Variants in TYW1B observed in about 807,000 individuals in gnomAD.
TYW1B encodes the protein S-adenosyl-L-methionine-dependent tRNA 4-demethylwyosine synthase TYW1B.
TYW1B carries 73 observed loss-of-function variants against 86.9 expected under a neutral mutation model. The observed-to-expected ratio is 0.84, with a 90% CI of 0.70 to 1.02. TYW1B has a LOEUF of 1.02. Among genes scored for constraint, TYW1B ranks in the 50% least tolerant of loss-of-function variants. TYW1B has a pLI of 0.00. For missense variants in TYW1B, 637 were observed against 827.4 expected, an observed-to-expected ratio of 0.77 and a Z score of 2.82; for synonymous variants, 248 against 292.8, an observed-to-expected ratio of 0.85 and a Z score of 1.56.
intron 2 of TYW1B, among the ~76,000 whole-genome samples, chr7:72,824,676 G>A (rs1230629136): frequency 6.6e-6 from 1 of 151,462 alleles, no homozygotes; most frequent in Non-Finnish European, 1.5e-5. Flanking sequence ...AGGAGGCGGA[G>A]GTTGTGGTGA....
At chr7:72,750,321 ATT>A (rs1360267350) in intron 7 of TYW1B, among the ~76,000 whole-genome samples, 3 of 152,006 alleles carry the variant, frequency 2.0e-5, no homozygotes, top group Non-Finnish European at 4.4e-5. Flanking sequence ...CTTAAACAAT[ATT>A]TTGCTGCATA....
chr7:72,587,112 T>G (rs1365491237), intron 13 of TYW1B, among the ~76,000 whole-genome samples: 3 of 152,124 alleles, frequency 2.0e-5, no homozygotes, highest in Non-Finnish European at 4.4e-5. Flanking sequence ...GGGGGAGTAC[T>G]GATGAAAGAA....
intron 11 of TYW1B, among the ~76,000 whole-genome samples, chr7:72,652,408 T>TAAAA (rs1813087405): frequency 4.5e-5 from 6 of 133,472 alleles, no homozygotes; most frequent in African/African-American, 5.3e-5. Flanking sequence ...AAAAAAAAAT[T>TAAAA]TTTGTGACAT....
rs186318033 is a variant in TYW1B at position 72,620,053 on chromosome 7, T to C, written c.1618-3214A>G. Among the ~76,000 whole-genome samples the C allele has an allele frequency of 1.7e-4, 26 of 152,328 alleles. No homozygotes were observed. The East Asian group carries it at 4.8e-3, about 28-fold the overall frequency. On this transcript the variant is annotated intron_variant, in intron 12 of 13. Transcript: ENST00000620995. Reference sequence around the variant, plus strand: ...ACTCCACCCATTCCTTACAACTCTATGATGCTTTATGGTATTTTCACATAA... The same window carrying C: ...ACTCCACCCATTCCTTACAACTCTACGATGCTTTATGGTATTTTCACATAA...
intron 7 of TYW1B, among the ~76,000 whole-genome samples, chr7:72,758,591 A>G (rs1441289374): frequency 6.6e-6 from 1 of 151,952 alleles, no homozygotes; most frequent in East Asian, 1.9e-4. Flanking sequence ...TGAGCCCTTG[A>G]GCTCTCCACC....
At chr7:72,682,116 G>C (rs1813889284) in intron 11 of TYW1B, among the ~76,000 whole-genome samples, 1 of 151,826 alleles carries the variant, frequency 6.6e-6, no homozygotes. Flanking sequence ...GACCTCAGGT[G>C]ATCCACCCAC....
chr7:72,691,462 T>C (rs1260407068), intron 11 of TYW1B, among the ~76,000 whole-genome samples: 1 of 152,242 alleles, frequency 6.6e-6, no homozygotes, highest in Non-Finnish European at 1.5e-5. Context: ...TGCATTACTG[T>C]CATGAGCAAA....
intron 2 of TYW1B, among the ~76,000 whole-genome samples, chr7:72,817,757 A>C (rs1457240494): frequency 6.6e-6 from 1 of 152,090 alleles, no homozygotes; most frequent in Non-Finnish European, 1.5e-5. Context: ...CTCCAGTTGT[A>C]ATGTTCCTTG....
chr7:72,752,621 C>T (rs1787518892), intron 7 of TYW1B, among the ~76,000 whole-genome samples: 1 of 152,068 alleles, frequency 6.6e-6, no homozygotes, highest in Admixed American at 6.6e-5. Flanking sequence ...ATCCCAGCTA[C>T]TCGGGAGGCT....
At chr7:72,628,218 G>A (rs1554439218) in intron 12 of TYW1B, among the ~76,000 whole-genome samples, 2 of 152,204 alleles carry the variant, frequency 1.3e-5, no homozygotes, top group African/African-American at 4.8e-5. Flanking sequence ...AAGAGTTGGA[G>A]GCTGCAGTAA....
chr7:72,779,708 G>A (rs1788017191), intron 6 of TYW1B, among the ~76,000 whole-genome samples: 1 of 12,414 alleles, frequency 8.1e-5, no homozygotes, highest in Non-Finnish European at 2.5e-4. Flanking sequence ...CAGAGACTCT[G>A]CCTCAAAAAA....
At chr7:72,659,526 C>T (rs1188533888) in intron 11 of TYW1B, among the ~76,000 whole-genome samples, 2 of 151,980 alleles carry the variant, frequency 1.3e-5, no homozygotes, top group Non-Finnish European at 2.9e-5. Context: ...TACAGTGAGC[C>T]GAGATCATGC....
At chr7:72,763,018 G>A (rs1011501427) in intron 7 of TYW1B, among the ~76,000 whole-genome samples, 26 of 151,750 alleles carry the variant, frequency 1.7e-4, no homozygotes, top group South Asian at 6.3e-4. Flanking sequence ...CATGACCCTC[G>A]ATATACTCTT....
At chr7:72,642,669 A>T (rs1325710965) in intron 11 of TYW1B, among the ~76,000 whole-genome samples, 2 of 152,196 alleles carry the variant, frequency 1.3e-5, no homozygotes, top group Non-Finnish European at 2.9e-5. Flanking sequence ...TTGGGAGGCC[A>T]AGGCAGGTGG....
intron 7 of TYW1B, 134 bp downstream of exon 7, chr7:72,777,282 A>G (rs1787972569): frequency 9.6e-7 from 1 of 1,041,096 alleles, no homozygotes; most frequent in Admixed American, 2.6e-5. Flanking sequence ...AGAAGTAAGA[A>G]GGTAAATCTT....
chr7:72,627,512 T>TAACATAAATA (rs782405637), intron 12 of TYW1B, among the ~76,000 whole-genome samples: 3,574 of 142,040 alleles, frequency 0.025, 53 homozygotes, highest in East Asian at 0.095. Flanking sequence ...TAACATAACA[T>TAACATAAATA]AAATAAAATA....
At chr7:72,658,812 C>T (rs557220006) in intron 11 of TYW1B, among the ~76,000 whole-genome samples, 1 of 152,128 alleles carries the variant, frequency 6.6e-6, no homozygotes, top group South Asian at 2.1e-4. Flanking sequence ...CCTCCACCTC[C>T]CGTGTTCAAG....
intron 12 of TYW1B, among the ~76,000 whole-genome samples, chr7:72,622,044 T>G (rs1554438052): frequency 6.6e-6 from 1 of 152,246 alleles, no homozygotes; most frequent in Non-Finnish European, 1.5e-5. Context: ...GCACGTCCTA[T>G]TCTCAAGGTG....
chr7:72,685,400 T>C (rs1275094093), intron 11 of TYW1B, among the ~76,000 whole-genome samples: 5 of 152,082 alleles, frequency 3.3e-5, no homozygotes, highest in African/African-American at 7.2e-5. Flanking sequence ...ACAAATACAG[T>C]AGATGTTAAT....
Sources: gnomAD v4.1 joint callset for allele counts (sites outside exome capture counted in the v4.1 genomes callset) on GRCh38, gnomAD v4.1.1 for gene constraint, MANE v1.5 for transcripts, NCBI Gene and HGNC (gene_info 2026-07-23, HGNC 2026-07-21) for gene names.